Variants in PHF19 observed in about 807,000 individuals in gnomAD.
The protein encoded by PHF19 is PHD finger protein 19.
Under a neutral mutation model 79.8 loss-of-function variants are expected in PHF19, and 21 were observed. The ratio of observed to expected loss-of-function variants is 0.26; its 90% CI spans 0.19 to 0.38. The LOEUF is 0.38. Ranked by LOEUF, PHF19 falls within the 10% of genes least tolerant of loss-of-function variation. The pLI, the probability that PHF19 is intolerant of heterozygous loss-of-function variation, is 1.00. For synonymous variants in PHF19, 273 were observed against 296.3 expected (o/e 0.92, Z 0.81); for missense variants, 445 against 744.2 (o/e 0.60, Z 4.68).
Position 120,860,526 on chromosome 9 carries a change from G to A in PHF19, c.1305-341C>T, listed in dbSNP as rs528360833. The stretch of plus-strand genomic sequence containing the variant: ...GAAAAGAGCTGAGGAGGTTCAGAGA[G>A]GTTAAGGGATTTAGGTAAAACTACA... On this transcript the variant is annotated intron_variant, in intron 13 of 14. Transcript: ENST00000373896. The surrounding 1 kb of genome is among the most constrained non-coding windows in gnomAD (Gnocchi z 4.1). 3.1e-6 allele frequency: 1 copy of A among 324,994 alleles called. No individual in the cohort carries two copies. The highest frequency in any genetic ancestry group is 2.9e-5 in the South Asian group (1 of 34,062). 20.1% of individuals were successfully genotyped at this position (324,994 alleles called of 1,614,324 possible). A position where few individuals can be genotyped will look rare whatever the true frequency, so the allele number is the denominator to read the frequency against.
intron 1 of PHF19, among the ~76,000 whole-genome samples, chr9:120,894,447 C>A (rs778626193): frequency 6.6e-6 from 1 of 152,234 alleles, no homozygotes; most frequent in Admixed American, 6.5e-5. Context: ...AACAAAGCAA[C>A]GGAATCCTTG....
rs2045579141 is a variant in PHF19, at chr9:120,862,965, C to T, written c.969-216G>A. The T allele has an allele frequency of 1.8e-6, 1 of 562,730 alleles. No individual in the cohort carries two copies. Among genetic ancestry groups the T allele is most frequent in the Non-Finnish European group, 3.2e-6 (1 of 312,960 alleles). The allele number at this position is 562,730 out of a possible 1,614,324, so 34.9% of individuals were successfully genotyped here. On this transcript the variant is annotated intron_variant, in intron 10 of 14. Transcript: ENST00000373896. The surrounding 1 kb of genome is among the most constrained non-coding windows in gnomAD (Gnocchi z 4.6). ...TGGTGCCTCCTCCCTGTGCTTCCTCCTGCATGAGTGTGGTTCTTGCTGCTC... is the reference window on the plus strand; with the variant it reads ...TGGTGCCTCCTCCCTGTGCTTCCTCTTGCATGAGTGTGGTTCTTGCTGCTC...
chr9:120,869,335 G>C lies in PHF19; in HGVS notation c.466-5C>G. On this transcript the variant is annotated splice_region_variant and splice_polypyrimidine_tract_variant and intron_variant, in intron 5 of 14. Transcript: ENST00000373896. The surrounding 1 kb of genome is among the most constrained non-coding windows in gnomAD (Gnocchi z 5.8). ...CTTCTTCAGCGCGCCGCCTTTCTGG[G>C]GGGAGACGAGGGCCCCAGTCAACCA... The C allele has an allele frequency of 6.2e-7, 1 of 1,610,756 alleles. No homozygotes were observed. The highest frequency in any genetic ancestry group is 1.7e-4 in the Middle Eastern group (1 of 6,054).
At chr9:120,902,263 C>T in the PHF19 span, 1 of 152,090 alleles carries the variant, frequency 6.6e-6, no homozygotes, top group Non-Finnish European at 1.5e-5. Flanking sequence ...TTAAAAATCT[C>T]CCCAGCACCT....
chr9:120,855,663 G>A lies in PHF19; in HGVS notation c.*2281C>T, dbSNP rs1023648836. The A allele has an allele frequency of 1.3e-5, 2 of 152,618 alleles. No homozygotes were observed. Among genetic ancestry groups the A allele is most frequent in the Admixed American group, 1.3e-4 (2 of 15,284 alleles). 9.5% of individuals were successfully genotyped at this position (152,618 alleles called of 1,614,324 possible). A position where few individuals can be genotyped will look rare whatever the true frequency, so the allele number is the denominator to read the frequency against. On this transcript the variant is annotated 3_prime_UTR_variant, in exon 15 of 15. Transcript: ENST00000373896. ...TAGGGAAGACAAGTGATTGTTCAAA[G>A]GGAGGTTTTAAATCATAAATCAGAC...
chr9:120,884,384 C>T (rs2046234227), intron 1 of PHF19, among the ~76,000 whole-genome samples: 1 of 150,338 alleles, frequency 6.7e-6, no homozygotes, highest in African/African-American at 2.5e-5. Flanking sequence ...GAGCTCCTGG[C>T]CCCAAGCTGG....
chr9:120,857,656 C>T lies in PHF19; in HGVS notation c.*288G>A, dbSNP rs867163259. The T allele has an allele frequency of 2.1e-5, 7 of 336,846 alleles. No individual in the cohort carries two copies. The highest frequency in any genetic ancestry group is 9.9e-5 in the South Asian group (1 of 10,070). The allele number at this position is 336,846 out of a possible 1,614,324, so 20.9% of individuals were successfully genotyped here. ...TGGGCCTCAGGAGGAAGGGTCCCAG[C>T]GCAGGGGACACAAGGTCAGAGAACA... On this transcript the variant is annotated 3_prime_UTR_variant, in exon 15 of 15. Transcript: ENST00000373896.
intron 1 of PHF19, among the ~76,000 whole-genome samples, chr9:120,887,697 G>A (rs1194930237): frequency 2.0e-5 from 3 of 150,814 alleles, no homozygotes; most frequent in African/African-American, 4.9e-5. Flanking sequence ...GAATGATGAT[G>A]GTATGCCTTA....
intron 9 of PHF19, 61 bp downstream of exon 9, chr9:120,865,649 C>G: frequency 6.2e-7 from 1 of 1,603,144 alleles, no homozygotes; most frequent in Non-Finnish European, 8.5e-7. Flanking sequence ...TAGTCCTGCA[C>G]TGCGTGGCCC....
At chr9:120,889,312 G>A (rs138548833) in intron 1 of PHF19, among the ~76,000 whole-genome samples, 2,122 of 151,974 alleles carry the variant, frequency 0.014, 25 homozygotes, top group South Asian at 0.036. Flanking sequence ...TGTAGTCCCT[G>A]CTACTCGGGA....
In PHF19 at chr9:120,869,066, G is replaced by A. The variant is rs2045807189; in HGVS notation, c.614+116C>T. Reference sequence around the variant, plus strand: ...CCCCACAGCGCAACACACTGGGCCCGCCCTCAAGGTCCCCGCCTTGGCTGA... The same window carrying A: ...CCCCACAGCGCAACACACTGGGCCCACCCTCAAGGTCCCCGCCTTGGCTGA... On this transcript the variant is annotated intron_variant, in intron 6 of 14. Coordinates refer to ENST00000373896, the MANE Select transcript of PHF19 (RefSeq NM_015651.3). This position sits in a 1 kb window ranked among gnomAD's most constrained non-coding sequence, Gnocchi z 5.8. 4 of 913,866 alleles carry A rather than the reference G, an allele frequency of 4.4e-6. No homozygotes were observed. The highest frequency in any genetic ancestry group is 1.9e-5 in the African/African-American group (1 of 52,582). 56.6% of individuals were successfully genotyped at this position (913,866 alleles called of 1,614,324 possible).
chr9:120,861,246 CCTATCCAG>C, intron 12 of PHF19, 72 bp from the exon 13 acceptor site: 1 of 886,992 alleles, frequency 1.1e-6, no homozygotes, highest in Non-Finnish European at 1.9e-6. Flanking sequence ...CAGGCTGCCT[CCTATCCAG>C]CCAGGGCCGC....
intron 1 of PHF19, chr9:120,894,741 C>A (rs2046384839): frequency 1.1e-5 from 12 of 1,119,852 alleles, no homozygotes; most frequent in Non-Finnish European, 1.4e-5. Flanking sequence ...CGCGGCTCCC[C>A]AGCCTCGCGC....
intron 1 of PHF19, 191 bp downstream of exon 1, chr9:120,876,900 C>A: frequency 1.1e-6 from 1 of 880,294 alleles, no homozygotes. Context: ...GCTCGGGAAC[C>A]CGGGTGGGGC....
Position 120,869,624 on chromosome 9 carries a change from C to T in PHF19, c.465+221G>A, listed in dbSNP as rs1054455056. ...ATAGTAAAGCATCATTTATTGGTCC[C>T]GTTATTCCCGACACCAAACCCATCT... On this transcript the variant is annotated intron_variant, in intron 5 of 14. Transcript: ENST00000373896. This position sits in a 1 kb window ranked among gnomAD's most constrained non-coding sequence, Gnocchi z 5.8. 56 of 1,521,206 alleles carry T rather than the reference C, an allele frequency of 3.7e-5. 1 individual carries two copies. The highest frequency in any genetic ancestry group is 4.6e-5 in the Non-Finnish European group (52 of 1,129,540). 94.2% of individuals were successfully genotyped at this position (1,521,206 alleles called of 1,614,324 possible). A position where few individuals can be genotyped will look rare whatever the true frequency, so the allele number is the denominator to read the frequency against.
chr9:120,874,732 G>C lies in PHF19; in HGVS notation c.10C>G (p.Arg4Gly). Residue 4 changes from arginine to glycine, a missense_variant, in exon 2 of 15, where the codon CGA (arginine) becomes GGA (glycine). Physicochemically the swap from Arg to Gly is moderately radical, Grantham distance 125. This residue lies in a region of PHF19 where 50 missense variants were observed against 54.8 expected (regional missense o/e 0.91). Coordinates refer to ENST00000373896, the MANE Select transcript of PHF19 (RefSeq NM_015651.3). The surrounding 1 kb of genome is among the most constrained non-coding windows in gnomAD (Gnocchi z 4.5). MEN[R>G]ALDPGTRDSY... Reference sequence around the variant, plus strand: ...TCCCGAGTCCCTGGATCCAGAGCTCGATTCTCCATCAGCTTCCCCTGACAC... The same window carrying C: ...TCCCGAGTCCCTGGATCCAGAGCTCCATTCTCCATCAGCTTCCCCTGACAC... 6.2e-7 allele frequency: 1 copy of C among 1,612,550 alleles called. No individual in the cohort carries two copies. The highest frequency in any genetic ancestry group is 1.3e-5 in the African/African-American group (1 of 75,020).
chr9:120,879,509 G>GT (rs1418576119), upstream of PHF19, among the ~76,000 whole-genome samples: 1 of 152,190 alleles, frequency 6.6e-6, no homozygotes. Context: ...GTTGAAAAGA[G>GT]GGTAATAATA....
At chr9:120,895,943 G>C (rs949190684), upstream of PHF19, among the ~76,000 whole-genome samples, 7 of 152,194 alleles carry the variant, frequency 4.6e-5, no homozygotes, top group African/African-American at 1.4e-4. Context: ...GGGAGCCACT[G>C]CGCCTGGCCA....
chr9:120,877,362 T>C, upstream of PHF19: 2 of 980,608 alleles, frequency 2.0e-6, no homozygotes, highest in Non-Finnish European at 2.4e-6. Context: ...GTCCCGCTTA[T>C]GTAATTAGCG....
Sources: allele counts gnomAD v4.1 joint callset (sites outside exome capture counted in the v4.1 genomes callset), GRCh38; gene constraint gnomAD v4.1.1; regional missense constraint gnomAD v4.1.1; non-coding constraint Gnocchi (gnomAD v3.1); transcripts MANE v1.5; gene names NCBI Gene and HGNC (gene_info 2026-07-23, HGNC 2026-07-21).